The following ANO4 variants were observed in gnomAD, a reference collection of about 807,000 sequenced individuals.
The protein encoded by ANO4 is anoctamin-4.
In ANO4, 69 loss-of-function variants were observed where a neutral mutation model predicts 141.9. The ratio of observed to expected loss-of-function variants is 0.49; its 90% CI spans 0.40 to 0.59. The LOEUF is 0.59. Ranked by LOEUF, ANO4 falls within the 20% of genes least tolerant of loss-of-function variation. ANO4 has a pLI of 0.00. For missense variants in ANO4, 894 were observed against 1,162.2 expected (o/e 0.77, Z 3.36); for synonymous variants, 350 against 394.3 (o/e 0.89, Z 1.33).
chr12:100,852,525 A>C (rs759566665), intron 1 of ANO4: 17 of 152,242 alleles, frequency 1.1e-4, no homozygotes, highest in Non-Finnish European at 2.4e-4. Context: ...CATCCTAGGC[A>C]GGAGGAAGGA....
chr12:100,800,449 T>C (rs981841330), intron 1 of ANO4, among the ~76,000 whole-genome samples: 9 of 152,382 alleles, frequency 5.9e-5, no homozygotes, highest in Admixed American at 3.9e-4. Context: ...AGAATCTGGT[T>C]GAAAAATAGT....
chr12:100,746,834 T>A (rs552800292), intron 3 of ANO4, among the ~76,000 whole-genome samples: 1 of 152,322 alleles, frequency 6.6e-6, no homozygotes, highest in South Asian at 2.1e-4. Context: ...GTTTCTCTCC[T>A]AGGGCTGTGC....
intron 4 of ANO4, 59 bp downstream of exon 4, chr12:100,939,510 C>G (rs2042420791): frequency 6.3e-7 from 1 of 1,581,796 alleles, no homozygotes; most frequent in East Asian, 2.3e-5. Flanking sequence ...ACCTGTGAAG[C>G]ATGTTCCAAT....
At chr12:100,856,943 G>C (rs17482306) in intron 1 of ANO4, among the ~76,000 whole-genome samples, 5,846 of 152,224 alleles carry the variant, frequency 0.038, 172 homozygotes, top group Non-Finnish European at 0.055. Flanking sequence ...GTGGGAGTAA[G>C]GATGTGAGGG....
At position 100,954,043 on chromosome 12, in the gene ANO4, C is replaced by G. The variant is rs117866302; in HGVS notation, c.456+11508C>G. ...AAACACCTCCCTAACTTGTCCTTTT[C>G]CATTAATCAGTTGAACTCTCATTCT... On this transcript the variant is annotated intron_variant, in intron 5 of 27. Transcript: ENST00000392977. 7.0e-4 allele frequency among the ~76,000 whole-genome samples: 107 copies of G among 152,276 alleles called. 1 individual carries two copies. The East Asian group carries it at 0.018, about 25-fold the overall frequency.
chr12:100,976,213 T>C (rs1308633042), intron 7 of ANO4, among the ~76,000 whole-genome samples: 1 of 152,220 alleles, frequency 6.6e-6, no homozygotes, highest in Non-Finnish European at 1.5e-5. Context: ...TTCAACTCTA[T>C]GAAATTTAGA....
intron 9 of ANO4, among the ~76,000 whole-genome samples, chr12:101,030,108 C>G (rs1006285918): frequency 6.6e-6 from 1 of 152,110 alleles, no homozygotes; most frequent in African/African-American, 2.4e-5. Flanking sequence ...AGGACTTGAA[C>G]TCAGCTCTGG....
intron 13 of ANO4, among the ~76,000 whole-genome samples, chr12:101,045,079 C>T (rs558105669): frequency 3.7e-4 from 56 of 152,070 alleles, no homozygotes; most frequent in Admixed American, 1.4e-3. Flanking sequence ...AAAGAATCGT[C>T]ATGAATAGTT....
chr12:100,732,070 G>T (rs11110501), intron 1 of ANO4, among the ~76,000 whole-genome samples: 13,374 of 152,204 alleles, frequency 0.088, 712 homozygotes, highest in East Asian at 0.22. Context: ...TTGGATGGGC[G>T]TAAGTTTTCA....
intron 26 of ANO4, among the ~76,000 whole-genome samples, chr12:101,124,905 G>T (rs1017901379): frequency 3.9e-5 from 6 of 152,172 alleles, no homozygotes; most frequent in African/African-American, 1.4e-4. Context: ...TGGGTAGTGT[G>T]ATGCTTCCAG....
intron 2 of ANO4, among the ~76,000 whole-genome samples, chr12:100,736,022 CAG>C (rs1362983430): frequency 2.6e-5 from 4 of 152,076 alleles, no homozygotes; most frequent in African/African-American, 9.7e-5. Flanking sequence ...GAAATAATGA[CAG>C]AGGTAGGAGA....
At chr12:101,098,416 T>A (rs549023840) in intron 21 of ANO4, among the ~76,000 whole-genome samples, 1 of 152,314 alleles carries the variant, frequency 6.6e-6, no homozygotes, top group East Asian at 1.9e-4. Flanking sequence ...CAGTTAAGTT[T>A]TAATGGGGAC....
intron 25 of ANO4, 112 bp from the exon 26 acceptor site, chr12:101,120,408 A>G: frequency 2.3e-6 from 2 of 880,238 alleles, no homozygotes; most frequent in Non-Finnish European, 3.6e-6. Context: ...TCTAGTATAG[A>G]GAAACTTCAA....
intron 1 of ANO4, among the ~76,000 whole-genome samples, chr12:100,858,744 C>T (rs549918814): frequency 6.6e-6 from 1 of 152,074 alleles, no homozygotes; most frequent in East Asian, 1.9e-4. Flanking sequence ...GTCCATTTTC[C>T]CTCAGCTTCC....
intron 17 of ANO4, among the ~76,000 whole-genome samples, chr12:101,092,295 T>C (rs928433238): frequency 3.3e-5 from 5 of 152,126 alleles, no homozygotes; most frequent in African/African-American, 4.8e-5. Flanking sequence ...TTGATCAGCC[T>C]GGCAAGATAA....
intron 1 of ANO4, among the ~76,000 whole-genome samples, chr12:100,799,698 G>A (rs1025256837): frequency 8.5e-5 from 13 of 152,076 alleles, no homozygotes; most frequent in East Asian, 7.7e-4. Context: ...CCGAGATTGC[G>A]CCATTGCACT....
At chr12:100,743,698 T>C (rs1254620761) in intron 3 of ANO4, among the ~76,000 whole-genome samples, 3 of 152,200 alleles carry the variant, frequency 2.0e-5, no homozygotes, top group Non-Finnish European at 4.4e-5. Flanking sequence ...AGTAAAACTA[T>C]TGTCACTTTA....
chr12:100,925,646 A>T (rs1023659006), intron 3 of ANO4, among the ~76,000 whole-genome samples: 4 of 63,928 alleles, frequency 6.3e-5, no homozygotes, highest in Non-Finnish European at 1.2e-4. Context: ...AAGTATAATT[A>T]AAAAAAAAAG....
intron 14 of ANO4, among the ~76,000 whole-genome samples, chr12:101,072,861 A>G (rs2048871747): frequency 6.6e-6 from 1 of 152,244 alleles, no homozygotes; most frequent in Non-Finnish European, 1.5e-5. Context: ...CATCAGAGGA[A>G]TGCAAATCAA....
Sources: gnomAD v4.1 joint callset for allele counts (sites outside exome capture counted in the v4.1 genomes callset) on GRCh38, gnomAD v4.1.1 for gene constraint, MANE v1.5 for transcripts, NCBI Gene and HGNC (gene_info 2026-07-23, HGNC 2026-07-21) for gene names.